Variants in SETD7 observed in about 807,000 individuals in gnomAD.
The protein encoded by SETD7 is SET domain containing 7, histone lysine methyltransferase, also known as histone-lysine N-methyltransferase SETD7.
SETD7 carries 16 observed loss-of-function variants against 41.8 expected under a neutral mutation model. That is an observed-to-expected ratio of 0.38 (90% confidence interval 0.26 to 0.58). SETD7 has a LOEUF of 0.58. SETD7 is among the 20% of genes least tolerant of loss of function. The pLI, the probability that SETD7 is intolerant of heterozygous loss-of-function variation, is 0.64. For synonymous variants in SETD7, 163 were observed against 169.7 expected, an observed-to-expected ratio of 0.96 and a Z score of 0.31; for missense variants, 346 against 459.7, an observed-to-expected ratio of 0.75 and a Z score of 2.26.
chr4:139,504,535 C>T (rs1303478789), downstream of SETD7, among the ~76,000 whole-genome samples: 2 of 152,008 alleles, frequency 1.3e-5, no homozygotes, highest in African/African-American at 4.8e-5. Context: ...CTAGAGGCTT[C>T]TTATTGAACA....
chr4:139,496,406 G>C, exon 8 of SETD7: 1 of 702,526 alleles, frequency 1.4e-6, no homozygotes, highest in Non-Finnish European at 2.6e-6. Flanking sequence ...GCACTATAAA[G>C]AGGAATGCCA....
At chr4:139,496,625 C>T in intron 7 of SETD7, 1 of 614,952 alleles carries the variant, frequency 1.6e-6, no homozygotes, top group Non-Finnish European at 2.9e-6. Context: ...CTTTTAGAAA[C>T]CCAGCTGCAT....
chr4:139,497,747 T>C (rs1726493094), intron 7 of SETD7, among the ~76,000 whole-genome samples: 1 of 151,878 alleles, frequency 6.6e-6, no homozygotes, highest in South Asian at 2.1e-4. Flanking sequence ...CGCCTGCCAC[T>C]ACGCCCGGCT....
chr4:139,548,199 C>T (rs953563515), intron 1 of SETD7: 1 of 152,294 alleles, frequency 6.6e-6, no homozygotes, highest in South Asian at 2.1e-4. Flanking sequence ...AATGTAGCTT[C>T]CAGATGGCTC....
rs1027017411 is a variant in SETD7, at chr4:139,507,394, C to T, written c.*4269G>A. ...CTCTCCACGTCAGGTGCAACAACGCCGAGGAAGTTGCTGAGAGTCAGAGTT... is the reference window on the plus strand; with the variant it reads ...CTCTCCACGTCAGGTGCAACAACGCTGAGGAAGTTGCTGAGAGTCAGAGTT... On this transcript the variant is annotated 3_prime_UTR_variant, in exon 8 of 8. Coordinates refer to ENST00000274031, the MANE Select transcript of SETD7 (RefSeq NM_030648.4). 1.2e-4 allele frequency: 19 copies of T among 152,478 alleles called. No homozygotes were observed. The highest frequency in any genetic ancestry group is 4.3e-4 in the African/African-American group (18 of 41,414). 9.4% of individuals were successfully genotyped at this position (152,478 alleles called of 1,614,324 possible). A position where few individuals can be genotyped will look rare whatever the true frequency, so the allele number is the denominator to read the frequency against.
intron 7 of SETD7, among the ~76,000 whole-genome samples, chr4:139,512,332 A>G (rs919423186): frequency 6.6e-6 from 1 of 152,192 alleles, no homozygotes; most frequent in African/African-American, 2.4e-5. Flanking sequence ...TGGATTTTCA[A>G]AGGCAAAAAC....
intron 2 of SETD7, among the ~76,000 whole-genome samples, chr4:139,541,960 C>T (rs567833747): frequency 6.6e-6 from 1 of 152,240 alleles, no homozygotes; most frequent in South Asian, 2.1e-4. Flanking sequence ...GCACTATTCA[C>T]AACAGCCAAG....
intron 4 of SETD7, among the ~76,000 whole-genome samples, chr4:139,527,712 A>T (rs1237177524): frequency 6.6e-6 from 1 of 152,214 alleles, no homozygotes; most frequent in African/African-American, 2.4e-5. Flanking sequence ...TGCATGGTAC[A>T]TTTGTCAAAA....
At chr4:139,528,028 G>T (rs1015226246) in intron 4 of SETD7, among the ~76,000 whole-genome samples, 2 of 152,012 alleles carry the variant, frequency 1.3e-5, no homozygotes, top group African/African-American at 4.8e-5. Flanking sequence ...TGTCTTTTCT[G>T]TTTTTTTCTC....
At chr4:139,522,304 G>A (rs1477443086) in intron 5 of SETD7, among the ~76,000 whole-genome samples, 1 of 152,194 alleles carries the variant, frequency 6.6e-6, no homozygotes, top group African/African-American at 2.4e-5. Context: ...ACCAATTTCA[G>A]ATAGTACGCT....
intron 3 of SETD7, 116 bp from the exon 4 acceptor site, chr4:139,529,336 A>G: frequency 1.3e-6 from 1 of 751,450 alleles, no homozygotes. Context: ...AGGGATAATA[A>G]CAGTTTAGGA....
chr4:139,541,752 AC>A (rs1415252267), intron 2 of SETD7, among the ~76,000 whole-genome samples: 25 of 152,364 alleles, frequency 1.6e-4, no homozygotes, highest in African/African-American at 5.8e-4. Context: ...GGTTGTAGTA[AC>A]TTAGCTTTTC....
intron 3 of SETD7, among the ~76,000 whole-genome samples, chr4:139,530,993 G>C (rs995606146): frequency 2.0e-5 from 3 of 151,844 alleles, no homozygotes; most frequent in Non-Finnish European, 4.4e-5. Context: ...GGAAAGAAAC[G>C]GCTGCTTTCT....
chr4:139,536,326 AT>A (rs940527190), intron 2 of SETD7, among the ~76,000 whole-genome samples: 9 of 152,134 alleles, frequency 5.9e-5, no homozygotes, highest in Admixed American at 3.9e-4. Context: ...AAAAGTTATG[AT>A]TTTTTTTCTT....
intron 4 of SETD7, among the ~76,000 whole-genome samples, chr4:139,526,544 A>G (rs1727335662): frequency 6.6e-6 from 1 of 150,988 alleles, no homozygotes; most frequent in Non-Finnish European, 1.5e-5. Flanking sequence ...TTAGCCTCCC[A>G]AAGTGCTAGG....
intron 2 of SETD7, among the ~76,000 whole-genome samples, chr4:139,543,741 A>G (rs1197840991): frequency 6.6e-6 from 1 of 151,180 alleles, no homozygotes; most frequent in Non-Finnish European, 1.5e-5. Context: ...TCACGAGGTC[A>G]GGAGATCAAG....
intron 7 of SETD7, among the ~76,000 whole-genome samples, chr4:139,498,772 CATAAAACCTAAAA>C (rs1726514418): frequency 6.6e-6 from 1 of 152,174 alleles, no homozygotes; most frequent in African/African-American, 2.4e-5. Flanking sequence ...CAAAGCCAGC[CATAAAACCTAAAA>C]ATATCACTCT....
At position 139,510,888 on chromosome 4, in the gene SETD7, T is replaced by G. The variant is rs1368012528; in HGVS notation, c.*775A>C. On this transcript the variant is annotated 3_prime_UTR_variant, in exon 8 of 8. Transcript: ENST00000274031. The stretch of plus-strand genomic sequence containing the variant: ...AATGCAAACAAAGTAAATTCATTTC[T>G]TCTCACATCTTAAAGCAAAGATATC... 1 of 152,678 alleles carries G rather than the reference T, an allele frequency of 6.5e-6. No individual in the cohort carries two copies. Among genetic ancestry groups the G allele is most frequent in the Non-Finnish European group, 1.5e-5 (1 of 68,052 alleles). 9.5% of individuals were successfully genotyped at this position (152,678 alleles called of 1,614,324 possible).
At chr4:139,548,352 C>T (rs992103875) in intron 1 of SETD7, among the ~76,000 whole-genome samples, 15 of 152,224 alleles carry the variant, frequency 9.9e-5, no homozygotes, top group Middle Eastern at 3.4e-3. Context: ...AATATGCGGC[C>T]GGGCATGGTG....
Sources: allele counts gnomAD v4.1 joint callset (sites outside exome capture counted in the v4.1 genomes callset), GRCh38; gene constraint gnomAD v4.1.1; transcripts MANE v1.5; gene names NCBI Gene and HGNC (gene_info 2026-07-23, HGNC 2026-07-21).